MIPOL1: variants seen among roughly 807,000 people sequenced by gnomAD.
The protein encoded by MIPOL1 is mirror-image polydactyly gene 1 protein.
Under a neutral mutation model 60.9 loss-of-function variants are expected in MIPOL1, and 57 were observed. The observed-to-expected ratio is 0.94, with a 90% CI of 0.76 to 1.17. The LOEUF (loss-of-function observed/expected upper bound fraction) is 1.17, where lower values mean the gene tolerates loss of function less well. MIPOL1 is among the 50% of genes most tolerant of loss of function. The pLI is 0.00. For missense variants in MIPOL1, 551 were observed against 511.6 expected (o/e 1.08, Z -0.74); for synonymous variants, 179 against 168.8 (o/e 1.06, Z -0.47).
chr14:37,371,124 ATT>A (rs71127214), intron 10 of MIPOL1, among the ~76,000 whole-genome samples: 9 of 143,474 alleles, frequency 6.3e-5, no homozygotes, highest in Middle Eastern at 3.7e-3. Context: ...AGATGGAATA[ATT>A]TTTTTTTTTT....
At chr14:37,371,689 AT>A (rs1259283967) in intron 10 of MIPOL1, among the ~76,000 whole-genome samples, 1 of 152,110 alleles carries the variant, frequency 6.6e-6, no homozygotes, top group African/African-American at 2.4e-5. Flanking sequence ...TTTTTTATTA[AT>A]TTTATGCCAT....
chr14:37,321,104 A>G (rs1546973), intron 9 of MIPOL1, among the ~76,000 whole-genome samples: 143,105 of 152,016 alleles, frequency 0.94, 67,763 homozygotes, highest in East Asian at 1. Context: ...TTATTCTTCA[A>G]GCTGGTAGTA....
intron 3 of MIPOL1, among the ~76,000 whole-genome samples, chr14:37,263,793 T>A (rs17106525): frequency 0.031 from 4,734 of 152,288 alleles, 218 homozygotes; most frequent in East Asian, 0.24. Context: ...AGTGGATTAC[T>A]AAAGAGAGTT....
rs200244911 is a variant in MIPOL1, at chr14:37,204,985, A to T, written c.-199+6881A>T. 3.9e-5 allele frequency among the ~76,000 whole-genome samples: 6 copies of T among 152,204 alleles called. No homozygotes were observed. The East Asian group carries it at 1.2e-3, about 29-fold the overall frequency. ...GCTGAGGTGGTCTCAGATAGAAATG[A>T]GGAACTTGTTGAGAACTGTAGCAAA... is the stretch of plus-strand genomic sequence containing the variant. On this transcript the variant is annotated intron_variant, in intron 1 of 12. Coordinates refer to ENST00000684589, the MANE Select transcript of MIPOL1 (RefSeq NM_001388067.1).
At chr14:37,255,235 C>T (rs2153368803) in intron 3 of MIPOL1, among the ~76,000 whole-genome samples, 1 of 151,628 alleles carries the variant, frequency 6.6e-6, no homozygotes, top group East Asian at 1.9e-4. Context: ...GACTGTGTGG[C>T]CTCCGTAGTA....
At chr14:37,377,554 T>C (rs1362908968) in intron 10 of MIPOL1, among the ~76,000 whole-genome samples, 1 of 152,080 alleles carries the variant, frequency 6.6e-6, no homozygotes, top group African/African-American at 2.4e-5. Context: ...TCATTCTTTA[T>C]GGTTTTCTAT....
chr14:37,472,497 T>G (rs1014506563), intron 11 of MIPOL1, among the ~76,000 whole-genome samples: 1 of 152,166 alleles, frequency 6.6e-6, no homozygotes, highest in Non-Finnish European at 1.5e-5. Flanking sequence ...CTGACCCTTA[T>G]GCAGATGGCA....
intron 10 of MIPOL1, among the ~76,000 whole-genome samples, chr14:37,381,056 G>A (rs565474019): frequency 6.6e-6 from 1 of 151,886 alleles, no homozygotes; most frequent in South Asian, 2.1e-4. Context: ...TTTCAGTTTG[G>A]CCACAGTACT....
intron 9 of MIPOL1, among the ~76,000 whole-genome samples, chr14:37,314,646 C>G (rs987333469): frequency 2.0e-5 from 3 of 152,130 alleles, no homozygotes; most frequent in African/African-American, 7.2e-5. Flanking sequence ...ATAACTATGT[C>G]ATTTGTGCCC....
chr14:37,283,211 G>T (rs982815917), intron 6 of MIPOL1, among the ~76,000 whole-genome samples: 2 of 152,032 alleles, frequency 1.3e-5, no homozygotes, highest in Admixed American at 1.3e-4. Context: ...GATCACGGGT[G>T]CCCGCCACCA....
intron 12 of MIPOL1, among the ~76,000 whole-genome samples, chr14:37,538,822 G>A (rs2153639580): frequency 6.6e-6 from 1 of 152,290 alleles, no homozygotes; most frequent in African/African-American, 2.4e-5. Context: ...TCAAGAGAGA[G>A]TCCTAGCCAC....
intron 3 of MIPOL1, among the ~76,000 whole-genome samples, chr14:37,265,705 G>A (rs2082827577): frequency 6.6e-6 from 1 of 152,104 alleles, no homozygotes; most frequent in Non-Finnish European, 1.5e-5. Context: ...GTATTCTAAA[G>A]TAAAATTAAA....
chr14:37,529,361 A>G (rs912051662), intron 12 of MIPOL1, among the ~76,000 whole-genome samples: 5 of 152,164 alleles, frequency 3.3e-5, no homozygotes, highest in Non-Finnish European at 5.9e-5. Context: ...CATTAAAAGC[A>G]TTTCATACCT....
At chr14:37,273,896 C>G (rs2083464176) in intron 6 of MIPOL1, among the ~76,000 whole-genome samples, 2 of 151,476 alleles carry the variant, frequency 1.3e-5, no homozygotes, top group African/African-American at 2.4e-5. Context: ...AGTTGTGTCT[C>G]AAATTAATAT....
At chr14:37,377,263 C>T (rs987564984) in intron 10 of MIPOL1, among the ~76,000 whole-genome samples, 11 of 152,032 alleles carry the variant, frequency 7.2e-5, no homozygotes, top group African/African-American at 2.7e-4. Context: ...GTCATAAAAG[C>T]GAATCTGCAG....
chr14:37,207,557 ATTT>A (rs869120598), intron 1 of MIPOL1, among the ~76,000 whole-genome samples: 3 of 126,510 alleles, frequency 2.4e-5, no homozygotes, highest in South Asian at 2.4e-4. Flanking sequence ...TATTATTATT[ATTT>A]TTTGAGATGG....
Position 37,302,029 on chromosome 14 carries a change from T to C in MIPOL1, c.624-6027T>C, listed in dbSNP as rs1020514177. On this transcript the variant is annotated intron_variant, in intron 7 of 12. Transcript: ENST00000684589. ...ATAAAGGATATCTTGGTTACTTCTATGTTTGGTGATTTTGAGTAAAGTTGT... is the reference window on the plus strand; with the variant it reads ...ATAAAGGATATCTTGGTTACTTCTACGTTTGGTGATTTTGAGTAAAGTTGT... 1.1e-4 allele frequency among the ~76,000 whole-genome samples: 12 copies of C among 113,612 alleles called. 5 individuals are homozygous for C. Among genetic ancestry groups the C allele is most frequent in the African/African-American group, 3.7e-4 (12 of 32,224 alleles). 74.5% of individuals were successfully genotyped at this position (113,612 alleles called of 152,430 possible).
At chr14:37,322,395 A>G (rs938654904) in intron 9 of MIPOL1, among the ~76,000 whole-genome samples, 1 of 151,722 alleles carries the variant, frequency 6.6e-6, no homozygotes, top group African/African-American at 2.4e-5. Context: ...TTTTTATATC[A>G]CTCTTTAGTT....
intron 1 of MIPOL1, among the ~76,000 whole-genome samples, chr14:37,224,305 C>A (rs988099825): frequency 6.6e-6 from 1 of 152,090 alleles, no homozygotes; most frequent in African/African-American, 2.4e-5. Context: ...CATAGCAAGA[C>A]CCCATCTTTA....
Sources: allele counts gnomAD v4.1 joint callset (sites outside exome capture counted in the v4.1 genomes callset), GRCh38; gene constraint gnomAD v4.1.1; transcripts MANE v1.5; gene names NCBI Gene and HGNC (gene_info 2026-07-23, HGNC 2026-07-21).